The following CSGALNACT1 variants were observed in gnomAD, a reference collection of about 807,000 sequenced individuals.
The protein encoded by CSGALNACT1 is chondroitin sulfate N-acetylgalactosaminyltransferase 1, also known as beta4GalNAcT-1.
CSGALNACT1 carries 52 observed loss-of-function variants against 51.0 expected under a neutral mutation model. The observed-to-expected ratio is 1.02, with a 90% CI of 0.82 to 1.29. The LOEUF (loss-of-function observed/expected upper bound fraction) is 1.29. Ranked by LOEUF, CSGALNACT1 falls within the 50% of genes most tolerant of loss-of-function variation. CSGALNACT1 has a pLI of 0.00. For missense variants in CSGALNACT1, 935 were observed against 679.2 expected (o/e 1.38, Z -4.19); for synonymous variants, 341 against 254.4 (o/e 1.34, Z -3.24).
chr8:19,430,329 C>T (rs2059462274), intron 6 of CSGALNACT1, among the ~76,000 whole-genome samples: 1 of 152,162 alleles, frequency 6.6e-6, no homozygotes, highest in Admixed American at 6.5e-5. Context: ...ATAATTATAG[C>T]TCTTACATTT....
At chr8:19,648,176 C>G (rs921953970) in intron 1 of CSGALNACT1, among the ~76,000 whole-genome samples, 10 of 152,218 alleles carry the variant, frequency 6.6e-5, no homozygotes, top group African/African-American at 2.4e-4. Context: ...CCTTCCAACA[C>G]TTAAGAATAA....
intron 1 of CSGALNACT1, among the ~76,000 whole-genome samples, chr8:19,624,140 T>C (rs1035480936): frequency 6.6e-6 from 1 of 152,208 alleles, no homozygotes; most frequent in African/African-American, 2.4e-5. Context: ...CCTAGACTAT[T>C]TGGACCACCT....
Position 19,532,714 on chromosome 8 carries a change from G to A in CSGALNACT1, c.-296-26584C>T, listed in dbSNP as rs186552446. 2.6e-5 allele frequency among the ~76,000 whole-genome samples: 4 copies of A among 152,284 alleles called. No homozygotes were observed. The East Asian group carries it at 5.8e-4, about 22-fold the overall frequency. On this transcript the variant is annotated intron_variant, in intron 3 of 9. Coordinates refer to ENST00000454498, the Ensembl canonical transcript of CSGALNACT1. ...CAGATGGCAGAAGGTGCCTGAAGAGGTAGTGAGCTCTTCCTCATCACAGAT... is the reference window on the plus strand; with the variant it reads ...CAGATGGCAGAAGGTGCCTGAAGAGATAGTGAGCTCTTCCTCATCACAGAT...
At chr8:19,618,066 A>T (rs2053279197) in intron 1 of CSGALNACT1, among the ~76,000 whole-genome samples, 1 of 150,954 alleles carries the variant, frequency 6.6e-6, no homozygotes, top group African/African-American at 2.4e-5. Flanking sequence ...TCCTGTAGAG[A>T]TGGGGTTTCA....
At chr8:19,471,261 A>C (rs2068096902) in intron 4 of CSGALNACT1, among the ~76,000 whole-genome samples, 1 of 152,226 alleles carries the variant, frequency 6.6e-6, no homozygotes, top group South Asian at 2.1e-4. Context: ...AAGGGTAAGG[A>C]GAACACTGCG....
chr8:19,751,138 T>C (rs1264472084), intron 1 of CSGALNACT1, among the ~76,000 whole-genome samples: 1 of 152,078 alleles, frequency 6.6e-6, no homozygotes, highest in African/African-American at 2.4e-5. Flanking sequence ...GCCAATTCAA[T>C]GAGTATTTAT....
intron 6 of CSGALNACT1, among the ~76,000 whole-genome samples, chr8:19,425,185 A>G (rs2058584923): frequency 6.6e-6 from 1 of 152,154 alleles, no homozygotes; most frequent in Non-Finnish European, 1.5e-5. Context: ...TCTATTAAAA[A>G]TACAGAATTA....
intron 1 of CSGALNACT1, among the ~76,000 whole-genome samples, chr8:19,666,992 A>AAGG (rs2059356113): frequency 1.3e-3 from 23 of 18,350 alleles, no homozygotes; most frequent in Non-Finnish European, 1.5e-3. Flanking sequence ...AGAAAGAAAG[A>AAGG]AAGAAAGAAA....
At chr8:19,549,566 A>G (rs898993662) in intron 3 of CSGALNACT1, among the ~76,000 whole-genome samples, 3 of 151,376 alleles carry the variant, frequency 2.0e-5, no homozygotes, top group Middle Eastern at 3.2e-3. Context: ...CCTGTTCTCC[A>G]GGCCTGACAC....
intron 3 of CSGALNACT1, among the ~76,000 whole-genome samples, chr8:19,520,696 A>C (rs2080484648): frequency 6.6e-6 from 1 of 152,238 alleles, no homozygotes; most frequent in South Asian, 2.1e-4. Context: ...CCTCTGCATC[A>C]GTCTTAAAAC....
intron 1 of CSGALNACT1, among the ~76,000 whole-genome samples, chr8:19,693,096 T>A (rs1027993713): frequency 2.0e-5 from 3 of 152,168 alleles, no homozygotes; most frequent in Admixed American, 2.0e-4. Context: ...TATTTGCTCT[T>A]TGACTCATTC....
chr8:19,690,274 T>C (rs1245308471), intron 1 of CSGALNACT1, among the ~76,000 whole-genome samples: 2 of 152,228 alleles, frequency 1.3e-5, no homozygotes, highest in Non-Finnish European at 2.9e-5. Context: ...CAACATTAAC[T>C]GCATTTATAG....
chr8:19,749,154 A>G (rs559367929), intron 1 of CSGALNACT1, among the ~76,000 whole-genome samples: 2 of 150,924 alleles, frequency 1.3e-5, no homozygotes, highest in East Asian at 3.9e-4. Flanking sequence ...CCCAAGAACC[A>G]TTTGAACTAA....
intron 1 of CSGALNACT1, among the ~76,000 whole-genome samples, chr8:19,614,324 G>A (rs1397591904): frequency 1.3e-5 from 2 of 152,148 alleles, no homozygotes; most frequent in South Asian, 2.1e-4. Context: ...TGTAATGTTA[G>A]CTTTTAAACT....
chr8:19,477,074 T>C (rs555957625), intron 4 of CSGALNACT1, among the ~76,000 whole-genome samples: 2 of 152,346 alleles, frequency 1.3e-5, no homozygotes, highest in African/African-American at 4.8e-5. Context: ...GGAACACATG[T>C]AATTGATCAT....
At chr8:19,418,812 T>C in intron 7 of CSGALNACT1, 62 bp from the exon 7 acceptor site, 1 of 1,217,514 alleles carries the variant, frequency 8.2e-7, no homozygotes. Context: ...GTTTGTTCCT[T>C]GACATTTGGC....
intron 1 of CSGALNACT1, among the ~76,000 whole-genome samples, chr8:19,666,894 G>GAAAGAAAGAAAGAGAGAGAGA: frequency 9.5e-6 from 1 of 105,372 alleles, no homozygotes; most frequent in Admixed American, 1.0e-4. Flanking sequence ...AGAGAGAGAG[G>GAAAGAAAGAAAGAGAGAGAGA]AAGTGAGGAA....
rs1449173261 is a variant in CSGALNACT1, at chr8:19,627,188, T to C, written c.-543-25323A>G. 2.0e-5 allele frequency among the ~76,000 whole-genome samples: 3 copies of C among 152,164 alleles called. No individual in the cohort carries two copies. The South Asian group carries it at 6.2e-4, about 31-fold the overall frequency. On this transcript the variant is annotated intron_variant, in intron 1 of 9. Coordinates refer to the CSGALNACT1 transcript ENST00000332246. Reference sequence around the variant, plus strand: ...GAGTAAACAAACTACCATCCATCCATTTAATGGCATATATACTAATTGGCA... The same window carrying C: ...GAGTAAACAAACTACCATCCATCCACTTAATGGCATATATACTAATTGGCA...
chr8:19,461,766 G>C lies in CSGALNACT1; in HGVS notation c.635-3124C>G, dbSNP rs367964171. Among the ~76,000 whole-genome samples the C allele has an allele frequency of 2.9e-3, 143 of 50,008 alleles. 12 individuals are homozygous for C. Among genetic ancestry groups the C allele is most frequent in the East Asian group, 0.016 (2 of 124 alleles). 32.8% of individuals were successfully genotyped at this position (50,008 alleles called of 152,430 possible). ...AGCGGCCACATTCACCATGGAGGGCGTATCTGCACAGCAGCCACATTCACC... is the reference window on the plus strand; with the variant it reads ...AGCGGCCACATTCACCATGGAGGGCCTATCTGCACAGCAGCCACATTCACC... On this transcript the variant is annotated intron_variant, in intron 4 of 9. Coordinates refer to ENST00000454498, the Ensembl canonical transcript of CSGALNACT1.
Sources: allele counts gnomAD v4.1 joint callset (sites outside exome capture counted in the v4.1 genomes callset), GRCh38; gene constraint gnomAD v4.1.1; transcripts MANE v1.5; gene names NCBI Gene and HGNC (gene_info 2026-07-23, HGNC 2026-07-21).